Variants in CSMD1 observed in about 807,000 individuals in gnomAD.
CSMD1 encodes CUB and sushi domain-containing protein 1.
CSMD1 carries 213 observed loss-of-function variants against 417.5 expected under a neutral mutation model. That is an observed-to-expected ratio of 0.51 (90% CI 0.46 to 0.57). The LOEUF is 0.57. CSMD1 is among the 20% of genes least tolerant of loss of function. CSMD1 has a pLI of 0.00. For synonymous variants in CSMD1, 2,862 were observed against 1,736.8 expected, an observed-to-expected ratio of 1.65 and a Z score of -16.11; for missense variants, 6,923 against 4,529.7, an observed-to-expected ratio of 1.53 and a Z score of -15.17.
At chr8:4,201,883 AT>A (rs746538781) in intron 3 of CSMD1, among the ~76,000 whole-genome samples, 1 of 29,078 alleles carries the variant, frequency 3.4e-5, no homozygotes, top group Admixed American at 5.2e-4. Context: ...ATACATGGAA[AT>A]TTTGGGGGGG....
intron 1 of CSMD1, among the ~76,000 whole-genome samples, chr8:4,979,905 G>A (rs1489197020): frequency 6.6e-6 from 1 of 152,104 alleles, no homozygotes; most frequent in Non-Finnish European, 1.5e-5. Flanking sequence ...AGGCGTGAAG[G>A]TGGGCGCCAG....
chr8:3,768,155 T>A (rs190236806), intron 5 of CSMD1, among the ~76,000 whole-genome samples: 2 of 152,058 alleles, frequency 1.3e-5, no homozygotes, highest in African/African-American at 2.4e-5. Context: ...GACAGTAAGG[T>A]AGGAGAACTA....
chr8:3,255,023 T>C (rs541132184), intron 26 of CSMD1, among the ~76,000 whole-genome samples: 2 of 152,324 alleles, frequency 1.3e-5, no homozygotes, highest in East Asian at 3.9e-4. Context: ...TGGTCTTTGA[T>C]GATGGTGATG....
intron 2 of CSMD1, among the ~76,000 whole-genome samples, chr8:4,547,860 G>C (rs561976316): frequency 6.6e-6 from 1 of 152,274 alleles, no homozygotes; most frequent in Non-Finnish European, 1.5e-5. Context: ...CACGGGGATT[G>C]GACGGGATAT....
chr8:3,936,299 G>A (rs1810487278), intron 5 of CSMD1, among the ~76,000 whole-genome samples: 1 of 152,150 alleles, frequency 6.6e-6, no homozygotes. Flanking sequence ...TGACGAAGGT[G>A]GCTACACTAA....
chr8:4,171,991 A>C (rs1714757), intron 3 of CSMD1, among the ~76,000 whole-genome samples: 75,502 of 152,020 alleles, frequency 0.5, 21,562 homozygotes, highest in Non-Finnish European at 0.63. Flanking sequence ...TTTGAATATC[A>C]CGGTTTAATA....
intron 5 of CSMD1, among the ~76,000 whole-genome samples, chr8:3,805,335 A>G (rs746653583): frequency 6.6e-6 from 1 of 152,116 alleles, no homozygotes; most frequent in Non-Finnish European, 1.5e-5. Flanking sequence ...AGAAGCTACA[A>G]CTTTTTCCAG....
chr8:4,080,200 C>T (rs1359962050), intron 3 of CSMD1, among the ~76,000 whole-genome samples: 1 of 151,982 alleles, frequency 6.6e-6, no homozygotes, highest in Non-Finnish European at 1.5e-5. Flanking sequence ...CATTCTAGCT[C>T]CCCAGTAGTA....
chr8:3,938,809 A>ATCC (rs1810677567), intron 5 of CSMD1, among the ~76,000 whole-genome samples: 1 of 152,188 alleles, frequency 6.6e-6, no homozygotes, highest in African/African-American at 2.4e-5. Flanking sequence ...TTTCTTCAGT[A>ATCC]AAATATTTAG....
intron 2 of CSMD1, among the ~76,000 whole-genome samples, chr8:4,534,223 A>T (rs546087906): frequency 6.6e-6 from 1 of 152,284 alleles, no homozygotes; most frequent in South Asian, 2.1e-4. Flanking sequence ...TCTCAGAAAG[A>T]AATACCTTCT....
intron 1 of CSMD1, among the ~76,000 whole-genome samples, chr8:4,858,453 T>C (rs1801936353): frequency 6.6e-6 from 1 of 150,380 alleles, no homozygotes; most frequent in Admixed American, 6.6e-5. Flanking sequence ...GGTATTCAAT[T>C]AGGAAAAGAG....
intron 1 of CSMD1, among the ~76,000 whole-genome samples, chr8:4,891,832 T>A (rs753624174): frequency 6.6e-6 from 1 of 152,170 alleles, no homozygotes; most frequent in Non-Finnish European, 1.5e-5. Flanking sequence ...ACATTATTTG[T>A]GTAGACTATA....
intron 5 of CSMD1, among the ~76,000 whole-genome samples, chr8:3,947,591 G>C (rs866608557): frequency 6.6e-6 from 1 of 152,132 alleles, no homozygotes; most frequent in Non-Finnish European, 1.5e-5. Context: ...GGGTTATATA[G>C]AAGTGTTTTG....
chr8:4,182,646 A>G (rs1377787856), intron 3 of CSMD1, among the ~76,000 whole-genome samples: 1 of 152,160 alleles, frequency 6.6e-6, no homozygotes, highest in Non-Finnish European at 1.5e-5. Flanking sequence ...CATTTTCAGG[A>G]GTGACCCCTA....
At chr8:3,399,927 T>C (rs1811936992) in intron 15 of CSMD1, among the ~76,000 whole-genome samples, 1 of 152,222 alleles carries the variant, frequency 6.6e-6, no homozygotes, top group Non-Finnish European at 1.5e-5. Context: ...GATGGATACA[T>C]ATACACACCC....
chr8:4,159,855 C>T (rs1343089229), intron 3 of CSMD1, among the ~76,000 whole-genome samples: 4 of 151,922 alleles, frequency 2.6e-5, no homozygotes, highest in Admixed American at 6.6e-5. Context: ...AACTAAAGAC[C>T]GTATGTTCTC....
intron 1 of CSMD1, among the ~76,000 whole-genome samples, chr8:4,761,892 TAC>T (rs1563319403): frequency 0.014 from 1,434 of 103,754 alleles, 11 homozygotes; most frequent in Non-Finnish European, 0.019. Flanking sequence ...TCTATCTACC[TAC>T]CTATCTATCT....
At position 3,381,007 on chromosome 8, in the gene CSMD1, G is replaced by A. The variant is rs541327436; in HGVS notation, c.2782+6487C>T. Among the ~76,000 whole-genome samples the A allele has an allele frequency of 9.9e-5, 15 of 152,206 alleles. No individual in the cohort carries two copies. In the East Asian group the frequency reaches 2.9e-3, roughly 29 times the overall value. On this transcript the variant is annotated intron_variant, in intron 18 of 69. Coordinates refer to ENST00000635120, the MANE Select transcript of CSMD1 (RefSeq NM_033225.6). ...CACAGGTATGTGAGAAGGTTGTTTTGAGAAAAACCTCACTTACAATCAAAA... is the reference window on the plus strand; with the variant it reads ...CACAGGTATGTGAGAAGGTTGTTTTAAGAAAAACCTCACTTACAATCAAAA...
intron 10 of CSMD1, among the ~76,000 whole-genome samples, chr8:3,530,739 G>A (rs1176713531): frequency 2.0e-5 from 3 of 152,076 alleles, no homozygotes; most frequent in Non-Finnish European, 4.4e-5. Flanking sequence ...ATGTTGGCCA[G>A]GCTGGTCTCA....
Sources: gnomAD v4.1 joint callset for allele counts (sites outside exome capture counted in the v4.1 genomes callset) on GRCh38, gnomAD v4.1.1 for gene constraint, MANE v1.5 for transcripts, NCBI Gene and HGNC (gene_info 2026-07-23, HGNC 2026-07-21) for gene names.